The following SSH2 variants were observed in gnomAD, a reference collection of about 807,000 sequenced individuals.
The protein encoded by SSH2 is slingshot protein phosphatase 2.
A neutral mutation model predicts 135.2 loss-of-function variants in SSH2; 37 were observed. That is an observed-to-expected ratio of 0.27 (90% CI 0.21 to 0.36). The LOEUF is 0.36. Ranked by LOEUF, SSH2 falls within the 10% of genes least tolerant of loss-of-function variation. The pLI, the probability that SSH2 is intolerant of heterozygous loss-of-function variation, is 1.00. For missense variants in SSH2, 1,408 were observed against 1,765.3 expected (o/e 0.80, Z 3.63); for synonymous variants, 628 against 646.2 (o/e 0.97, Z 0.43).
chr17:29,805,139 TTATTATTATTAA>T (rs2042318200), intron 2 of SSH2, among the ~76,000 whole-genome samples: 4 of 150,446 alleles, frequency 2.7e-5, no homozygotes. Flanking sequence ...TGCCTATAAA[TTATTATTATTAA>T]TATTATTATT....
chr17:29,760,806 A>AC (rs1226637072), intron 3 of SSH2, among the ~76,000 whole-genome samples: 2 of 151,570 alleles, frequency 1.3e-5, no homozygotes, highest in Non-Finnish European at 2.9e-5. Flanking sequence ...TCTGTCGACT[A>AC]CCCTTCACCC....
chr17:29,680,408 G>T (rs1303474889), intron 6 of SSH2, among the ~76,000 whole-genome samples: 1 of 151,694 alleles, frequency 6.6e-6, no homozygotes. Flanking sequence ...TTAGCTGGGT[G>T]CAGGGGCAGA....
chr17:29,759,009 G>A (rs770092777), intron 3 of SSH2, among the ~76,000 whole-genome samples: 1 of 151,720 alleles, frequency 6.6e-6, no homozygotes, highest in African/African-American at 2.4e-5. Context: ...CTCCCAAAGT[G>A]CTGGGATTAC....
chr17:29,910,173 T>C (rs2066740174), intron 1 of SSH2, among the ~76,000 whole-genome samples: 1 of 152,200 alleles, frequency 6.6e-6, no homozygotes, highest in Non-Finnish European at 1.5e-5. Context: ...TTCAAATTCC[T>C]GGCCTGAAGC....
At chr17:29,756,269 A>G (rs1300158102) in intron 3 of SSH2, among the ~76,000 whole-genome samples, 2 of 151,626 alleles carry the variant, frequency 1.3e-5, no homozygotes, top group Non-Finnish European at 2.9e-5. Context: ...GTCTCAAAAA[A>G]AAAAAAAAAA....
At chr17:29,695,366 A>G (rs944466442) in intron 5 of SSH2, 93 bp downstream of exon 5, 1 of 907,382 alleles carries the variant, frequency 1.1e-6, no homozygotes, top group South Asian at 1.6e-5. Context: ...CATAGTTCCC[A>G]GCACTGTGTT....
intron 4 of SSH2, among the ~76,000 whole-genome samples, chr17:29,701,895 T>C (rs2038999545): frequency 6.7e-6 from 1 of 150,220 alleles, no homozygotes; most frequent in Non-Finnish European, 1.5e-5. Context: ...TAAAATTTTT[T>C]TTTTTTTTTT....
At chr17:29,824,017 A>G (rs984420418) in intron 2 of SSH2, among the ~76,000 whole-genome samples, 1 of 152,132 alleles carries the variant, frequency 6.6e-6, no homozygotes, top group Non-Finnish European at 1.5e-5. Flanking sequence ...TGCTTAAATT[A>G]CAAATACAAA....
chr17:29,753,674 T>C (rs926284256), intron 3 of SSH2, among the ~76,000 whole-genome samples: 1 of 151,312 alleles, frequency 6.6e-6, no homozygotes, highest in African/African-American at 2.4e-5. Flanking sequence ...CGGGCACCTG[T>C]AATCCCAGCT....
intron 6 of SSH2, among the ~76,000 whole-genome samples, chr17:29,683,970 C>CT (rs1299061148): frequency 1.3e-5 from 2 of 151,952 alleles, no homozygotes; most frequent in South Asian, 2.1e-4. Flanking sequence ...AAAAAGGCAG[C>CT]TTTTTTTCCA....
chr17:29,890,841 T>C (rs1404232012), intron 1 of SSH2, among the ~76,000 whole-genome samples: 1 of 152,152 alleles, frequency 6.6e-6, no homozygotes, highest in Non-Finnish European at 1.5e-5. Flanking sequence ...CTGCAACCTC[T>C]GCCTCCTGTG....
chr17:29,919,886 C>G (rs996551876), intron 1 of SSH2, among the ~76,000 whole-genome samples: 14 of 152,016 alleles, frequency 9.2e-5, no homozygotes, highest in Non-Finnish European at 1.3e-4. Context: ...AAATCTTAAG[C>G]TGCTGAAACC....
intron 3 of SSH2, among the ~76,000 whole-genome samples, chr17:29,762,584 C>T (rs1404390714): frequency 1.3e-5 from 2 of 152,186 alleles, no homozygotes; most frequent in African/African-American, 4.8e-5. Context: ...GACATTTGAT[C>T]TAGGGCTTTT....
At chr17:29,719,676 A>G (rs551614182) in intron 3 of SSH2, among the ~76,000 whole-genome samples, 1 of 152,320 alleles carries the variant, frequency 6.6e-6, no homozygotes, top group East Asian at 1.9e-4. Flanking sequence ...GAGAAAACAA[A>G]GGTTTTGAGA....
intron 3 of SSH2, among the ~76,000 whole-genome samples, chr17:29,783,318 T>TTTTATA (rs1555633080): frequency 7.0e-5 from 10 of 142,126 alleles, no homozygotes; most frequent in Non-Finnish European, 1.4e-4. Context: ...ATAACATATA[T>TTTTATA]TATATATATA....
chr17:29,913,870 G>A (rs1236220617), intron 1 of SSH2, among the ~76,000 whole-genome samples: 2 of 151,962 alleles, frequency 1.3e-5, no homozygotes, highest in Non-Finnish European at 2.9e-5. Context: ...CCGACCTCAG[G>A]TGATCCGCCC....
intron 1 of SSH2, among the ~76,000 whole-genome samples, chr17:29,902,595 C>A (rs2066577614): frequency 6.6e-6 from 1 of 151,552 alleles, no homozygotes; most frequent in Admixed American, 6.6e-5. Flanking sequence ...CATTTAACAT[C>A]TTTAATATCT....
At chr17:29,653,885 G>A (rs2036681951) in intron 12 of SSH2, among the ~76,000 whole-genome samples, 1 of 152,132 alleles carries the variant, frequency 6.6e-6, no homozygotes, top group East Asian at 1.9e-4. Flanking sequence ...ACTATGCCTG[G>A]CCAGAATTAC....
At chr17:29,854,340 A>G (rs1365027023) in intron 1 of SSH2, among the ~76,000 whole-genome samples, 1 of 151,868 alleles carries the variant, frequency 6.6e-6, no homozygotes, top group Non-Finnish European at 1.5e-5. Context: ...CAGGTTACAA[A>G]AACAGTTTTT....
Sources: gnomAD v4.1 joint callset for allele counts (sites outside exome capture counted in the v4.1 genomes callset) on GRCh38, gnomAD v4.1.1 for gene constraint, MANE v1.5 for transcripts, NCBI Gene and HGNC (gene_info 2026-07-23, HGNC 2026-07-21) for gene names.